Variants in VWCE observed in about 807,000 individuals in gnomAD.
The protein encoded by VWCE is von Willebrand factor C and EGF domains.
VWCE carries 68 observed loss-of-function variants against 102.9 expected under a neutral mutation model. That is an observed-to-expected ratio of 0.66 (90% confidence interval 0.54 to 0.81). The LOEUF (loss-of-function observed/expected upper bound fraction) is 0.81, where lower values mean the gene tolerates loss of function less well. Ranked by LOEUF, VWCE falls within the 30% of genes least tolerant of loss-of-function variation. The pLI, the probability that VWCE is intolerant of heterozygous loss-of-function variation, is 0.00. For missense variants in VWCE, 1,137 were observed against 1,263.6 expected (o/e 0.90, Z 1.52); for synonymous variants, 497 against 515.4 (o/e 0.96, Z 0.48).
rs12293340 is a variant in VWCE, at chr11:61,291,372, G to C, written c.206-19C>G. The stretch of plus-strand genomic sequence containing the variant: ...CAGAGGGCTGAGAGGAGAAGTGCAG[G>C]TGAGACACGAGGAACTGGGGCCTCC... On this transcript the variant is annotated intron_variant, in intron 2 of 19. Coordinates refer to ENST00000335613, the MANE Select transcript of VWCE (RefSeq NM_152718.2). 2.0e-5 allele frequency: 32 copies of C among 1,608,468 alleles called. No individual in the cohort carries two copies. In the South Asian group the frequency reaches 3.6e-4, roughly 18 times the overall value.
At chr11:61,276,501 T>A in intron 11 of VWCE, 92 bp downstream of exon 11, 1 of 975,746 alleles carries the variant, frequency 1.0e-6, no homozygotes, top group Non-Finnish European at 1.4e-6. Context: ...GAGGACCACC[T>A]GAGGCTCAAC....
Position 61,278,449 on chromosome 11 carries a change from G to C in VWCE, c.1352C>G (p.Ala451Gly). 6.2e-7 allele frequency: 1 copy of C among 1,614,162 alleles called. No homozygotes were observed. ...GGGAGGTGAAAACACATCCCCTTCA[G>C]CTCGGACGACACCACTGTGAAAACA... ...TGCFHSGVVR[A>G]EGDVFSPPNE... The change falls in exon 10 of 20, where the codon GCT (alanine) becomes GGT (glycine). Residue 451 changes from alanine (A) to glycine (G), a missense_variant. By Grantham distance (60) the Ala-to-Gly change is moderately conservative. Around this residue, in one of 5 missense-constraint regions of VWCE, gnomAD observed 575 missense variants for 625.9 expected, o/e 0.92. Coordinates refer to ENST00000335613, the MANE Select transcript of VWCE (RefSeq NM_152718.2).
intron 9 of VWCE, among the ~76,000 whole-genome samples, chr11:61,278,957 T>C (rs1855023768): frequency 6.6e-6 from 1 of 151,922 alleles, no homozygotes; most frequent in Non-Finnish European, 1.5e-5. Flanking sequence ...GAGAATCGCT[T>C]GAACCCGGGA....
intron 19 of VWCE, among the ~76,000 whole-genome samples, chr11:61,263,557 T>C (rs1270248819): frequency 6.6e-6 from 1 of 152,116 alleles, no homozygotes; most frequent in East Asian, 1.9e-4. Flanking sequence ...AAATATGTGT[T>C]GTGTTGTGTT....
Position 61,294,871 on chromosome 11 carries a change from T to C in VWCE, c.110+57A>G. The C allele has an allele frequency of 7.3e-6, 9 of 1,234,712 alleles. No individual in the cohort carries two copies. The highest frequency in any genetic ancestry group is 9.4e-6 in the Non-Finnish European group (9 of 961,852). 76.5% of individuals were successfully genotyped at this position (1,234,712 alleles called of 1,614,324 possible). ...TGAGCGCCCCTCCGCGCCTCTCGACTGCACGCCGGTAGCGCTCTCCCGGGC... is the reference window on the plus strand; with the variant it reads ...TGAGCGCCCCTCCGCGCCTCTCGACCGCACGCCGGTAGCGCTCTCCCGGGC... On this transcript the variant is annotated intron_variant, in intron 1 of 19. Coordinates refer to ENST00000335613, the MANE Select transcript of VWCE (RefSeq NM_152718.2). The surrounding 1 kb of genome is among the most constrained non-coding windows in gnomAD (Gnocchi z 6.3).
In VWCE at chr11:61,269,017, G is replaced by A. The variant is rs1244549834; in HGVS notation, c.1787C>T (p.Ala596Val). The change falls in exon 15 of 20, where the codon GCA becomes GTA. Residue 596 changes from alanine to valine, a missense_variant and splice_region_variant. By Grantham distance (64) the Ala-to-Val change is moderately conservative. Around this residue, in one of 5 missense-constraint regions of VWCE, gnomAD observed 212 missense variants for 235.1 expected, o/e 0.90. Transcript: ENST00000335613. Reference protein sequence around the residue: ...GDPCELCICQADGSVSCKRTD... With the variant: ...GDPCELCICQVDGSVSCKRTD... ...CCTCTTGCAGCTCACCGAGCCATCT[G>A]CCTGGAGGAAGGAGGAACTTCACCA... 3 of 1,613,876 alleles carry A rather than the reference G, an allele frequency of 1.9e-6. No homozygotes were observed. The highest frequency in any genetic ancestry group is 2.7e-5 in the African/African-American group (2 of 74,930).
chr11:61,266,560 AT>A (rs929423600), intron 16 of VWCE, among the ~76,000 whole-genome samples: 2 of 151,160 alleles, frequency 1.3e-5, no homozygotes, highest in African/African-American at 2.4e-5. Context: ...AAAAAAAACA[AT>A]TTTTTTTTCA....
intron 1 of VWCE, among the ~76,000 whole-genome samples, chr11:61,291,783 T>C (rs1209186823): frequency 2.0e-5 from 3 of 152,190 alleles, no homozygotes; most frequent in Admixed American, 6.5e-5. Context: ...CAATAGATAC[T>C]GGCCTCCTAC....
chr11:61,270,135 G>A (rs536635914), intron 14 of VWCE, among the ~76,000 whole-genome samples: 1 of 151,672 alleles, frequency 6.6e-6, no homozygotes, highest in East Asian at 2.0e-4. Context: ...TAGCCAGGAT[G>A]GTCTCAATCT....
At position 61,273,229 on chromosome 11, in the gene VWCE, A is replaced by G. The variant is rs752514073; in HGVS notation, c.1669T>C (p.Phe557Leu). 5 of 1,613,662 alleles carry G rather than the reference A, an allele frequency of 3.1e-6. No homozygotes were observed. The highest frequency in any genetic ancestry group is 4.2e-6 in the Non-Finnish European group (5 of 1,179,886). ...GAGGGTGTGGGCTCCTGGCAGGTGA[A>G]GCAACACTGCCCAGGGCCCAGCCGC... ...EWRLGPGQCCFTCQEPTPSTG... is the reference protein window; with the variant it reads ...EWRLGPGQCCLTCQEPTPSTG... Residue 557 changes from phenylalanine (F) to leucine (L), a missense_variant, in exon 13 of 20, where the codon TTC (phenylalanine) becomes CTC (leucine). By Grantham distance (22) the Phe-to-Leu change is conservative (BLOSUM62 0). Around this residue, in one of 5 missense-constraint regions of VWCE, gnomAD observed 212 missense variants for 235.1 expected, o/e 0.90. Coordinates refer to ENST00000335613, the MANE Select transcript of VWCE (RefSeq NM_152718.2).
Position 61,291,372 on chromosome 11 carries a change from G to A in VWCE, c.206-19C>T, listed in dbSNP as rs12293340. The A allele has an allele frequency of 0.018, 29,078 of 1,608,400 alleles. 3,032 individuals carry two copies. The African/African-American group carries it at 0.27, about 15-fold the overall frequency. On this transcript the variant is annotated intron_variant, in intron 2 of 19. Transcript: ENST00000335613. ...CAGAGGGCTGAGAGGAGAAGTGCAGGTGAGACACGAGGAACTGGGGCCTCC... is the reference window on the plus strand; with the variant it reads ...CAGAGGGCTGAGAGGAGAAGTGCAGATGAGACACGAGGAACTGGGGCCTCC...
At chr11:61,278,295 A>C in intron 10 of VWCE, 99 bp downstream of exon 10, 1 of 1,329,478 alleles carries the variant, frequency 7.5e-7, no homozygotes, top group East Asian at 2.3e-5. Flanking sequence ...CCTTCCACTC[A>C]ACAAGCTCAC....
At chr11:61,259,738 G>A (rs543712359) in intron 19 of VWCE, among the ~76,000 whole-genome samples, 4 of 152,296 alleles carry the variant, frequency 2.6e-5, no homozygotes, top group African/African-American at 4.8e-5. Context: ...AGGGGGCAAC[G>A]CTGTATCATG....
At chr11:61,270,444 GA>G (rs1291448694) in intron 14 of VWCE, among the ~76,000 whole-genome samples, 31 of 152,346 alleles carry the variant, frequency 2.0e-4, no homozygotes, top group Admixed American at 1.7e-3. Context: ...TCTTAAAGTA[GA>G]AAGGAAAGCC....
At position 61,294,980 on chromosome 11, in the gene VWCE, G is replaced by A. The variant is rs1855629858; in HGVS notation, c.58C>T (p.Pro20Ser). ...TTCCTCCCGGTGTAGCCTCGGGCTG[G>A]TGCCCCCGGCAGCAGGAGCGCGACA... ...ACVALLLPGA[P>S]ARGYTGRKPP... The change falls in exon 1 of 20, where the codon CCA becomes TCA. Residue 20 changes from proline (P) to serine (S), a missense_variant. This residue lies in a region of VWCE where 575 missense variants were observed against 625.9 expected (regional missense o/e 0.92). Transcript: ENST00000335613. This position sits in a 1 kb window ranked among gnomAD's most constrained non-coding sequence, Gnocchi z 6.3. 6.8e-7 allele frequency: 1 copy of A among 1,473,920 alleles called. No homozygotes were observed. The highest frequency in any genetic ancestry group is 2.9e-5 in the East Asian group (1 of 34,852). The allele number at this position is 1,473,920 out of a possible 1,614,324, so 91.3% of individuals were successfully genotyped here.
At position 61,259,101 on chromosome 11, in the gene VWCE, A is replaced by G. The variant is rs1395319702; in HGVS notation, c.2442T>C (p.Pro814=). 2 of 1,614,112 alleles carry G rather than the reference A, an allele frequency of 1.2e-6. No individual in the cohort carries two copies. The highest frequency in any genetic ancestry group is 3.3e-5 in the Admixed American group (2 of 60,020). The change falls in exon 20 of 20, where the codon CCT becomes CCC. Residue 814 remains proline (P), a synonymous_variant. Transcript: ENST00000335613. ...GACCATGAGCTCCTGCCGGGCTTGT[A>G]GGTAAAGTCTGTGTTTTCATCAAGT... ...RTNLMKTQTL[P]TSPAGAHGPH... is the part of the protein sequence containing the mutation.
chr11:61,278,496 G>T lies in VWCE; in HGVS notation c.1325-20C>A. 1 of 1,612,774 alleles carries T rather than the reference G, an allele frequency of 6.2e-7. No individual in the cohort carries two copies. Among genetic ancestry groups the T allele is most frequent in the Admixed American group, 1.7e-5 (1 of 59,984 alleles). ...AACAGCCTTTGAAGGACAAATAGGA[G>T]GTAGAGGCATCAGACCTCTTCAAAG... On this transcript the variant is annotated intron_variant, in intron 9 of 19. Transcript: ENST00000335613.
rs771049824 is a variant in VWCE at position 61,291,357 on chromosome 11, AGAG to A, written c.206-7_206-5del. On this transcript the variant is annotated splice_region_variant and splice_polypyrimidine_tract_variant and intron_variant, in intron 2 of 19. Transcript: ENST00000335613. ...CCACAGCCGAAGGAGCAGAGGGCTG[AGAG>A]GAGAAGTGCAGGTGAGACACGAGGA... The A allele has an allele frequency of 1.1e-5, 18 of 1,612,034 alleles. No homozygotes were observed. Among genetic ancestry groups the A allele is most frequent in the Non-Finnish European group, 1.5e-5 (18 of 1,179,206 alleles).
rs757302958 is a variant in VWCE at position 61,286,363 on chromosome 11, G to T, written c.492C>A (p.Cys164Ter). ...HCVNTEGGFV[C>*]ECGPGMQLSA... ...ACAGCTGCATGCCCGGCCCACACTC[G>T]CACACAAACCCACCTTCTGTGTTCA... Residue 164 changes from cysteine (C) to a stop codon, truncating the protein, a stop_gained, in exon 5 of 20, where the codon TGC becomes TGA. Transcript: ENST00000335613. LOFTEE classifies it high-confidence loss of function. 1.2e-6 allele frequency: 2 copies of T among 1,612,050 alleles called. No individual in the cohort carries two copies. The highest frequency in any genetic ancestry group is 3.3e-5 in the Admixed American group (2 of 60,026).
Sources: allele counts gnomAD v4.1 joint callset (sites outside exome capture counted in the v4.1 genomes callset), GRCh38; gene constraint gnomAD v4.1.1; regional missense constraint gnomAD v4.1.1; non-coding constraint Gnocchi (gnomAD v3.1); transcripts MANE v1.5; gene names NCBI Gene and HGNC (gene_info 2026-07-23, HGNC 2026-07-21).